Variants in FLT1 observed in about 807,000 individuals in gnomAD.
The protein encoded by FLT1 is vascular endothelial growth factor receptor 1.
In FLT1, 49 loss-of-function variants were observed where a neutral mutation model predicts 156.3. That is an observed-to-expected ratio of 0.31 (90% confidence interval 0.25 to 0.40). The LOEUF (loss-of-function observed/expected upper bound fraction) is 0.40, where lower values mean the gene tolerates loss of function less well. Among genes scored for constraint, FLT1 ranks in the 10% least tolerant of loss-of-function variants. The probability of loss-of-function intolerance (pLI) is 1.00; values close to 1 mark genes in which losing one functional copy is unlikely to be tolerated. For missense variants in FLT1, 1,322 were observed against 1,637.2 expected (o/e 0.81, Z 3.32); for synonymous variants, 594 against 583.8 (o/e 1.02, Z -0.25).
intron 24 of FLT1, among the ~76,000 whole-genome samples, chr13:28,319,205 T>G (rs1390131921): frequency 6.6e-6 from 1 of 152,200 alleles, no homozygotes; most frequent in Middle Eastern, 3.2e-3. Context: ...CATGACCTTG[T>G]TCTGACCTTG....
At chr13:28,389,187 C>T (rs541138768) in intron 13 of FLT1, 6 of 1,079,516 alleles carry the variant, frequency 5.6e-6, no homozygotes, top group African/African-American at 3.3e-5. Context: ...AGCATTATAA[C>T]TTGCTATCCA....
At chr13:28,473,011 C>T (rs1243373514) in intron 1 of FLT1, among the ~76,000 whole-genome samples, 4 of 152,130 alleles carry the variant, frequency 2.6e-5, no homozygotes, top group African/African-American at 7.2e-5. Flanking sequence ...TAAAGGACAT[C>T]ATTATTCATC....
In FLT1 at chr13:28,322,698, A is replaced by T; in HGVS notation, c.2953+92T>A. 1 of 1,135,484 alleles carries T rather than the reference A, an allele frequency of 8.8e-7. No individual in the cohort carries two copies. Among genetic ancestry groups the T allele is most frequent in the Non-Finnish European group, 1.3e-6 (1 of 751,030 alleles). The allele number at this position is 1,135,484 out of a possible 1,614,324, so 70.3% of individuals were successfully genotyped here. ...CCATTCGAGTCTCCCACGGATGTTTATTAGAGTGATAAATAAGAAAAAAAT... is the reference window on the plus strand; with the variant it reads ...CCATTCGAGTCTCCCACGGATGTTTTTTAGAGTGATAAATAAGAAAAAAAT... On this transcript the variant is annotated intron_variant, in intron 21 of 29. Transcript: ENST00000282397. The surrounding 1 kb of genome is among the most constrained non-coding windows in gnomAD (Gnocchi z 4.3).
intron 3 of FLT1, among the ~76,000 whole-genome samples, chr13:28,441,504 G>C (rs1337276546): frequency 6.6e-6 from 1 of 152,210 alleles, no homozygotes; most frequent in African/African-American, 2.4e-5. Context: ...CAAGGATCAA[G>C]TTGCTGTAGA....
chr13:28,317,692 A>G, intron 24 of FLT1, 95 bp from the exon 25 acceptor site: 1 of 797,068 alleles, frequency 1.3e-6, no homozygotes, highest in East Asian at 2.5e-5. Flanking sequence ...CCTCCCTTTA[A>G]AGCTACGTTT....
At chr13:28,494,153 C>G (rs1156677908) in intron 1 of FLT1, among the ~76,000 whole-genome samples, 1 of 152,172 alleles carries the variant, frequency 6.6e-6, no homozygotes, top group African/African-American at 2.4e-5. Flanking sequence ...CGGGACAGTC[C>G]GGCTTGGGGA....
intron 15 of FLT1, among the ~76,000 whole-genome samples, chr13:28,353,821 T>C (rs1872810714): frequency 6.6e-6 from 1 of 152,212 alleles, no homozygotes; most frequent in Non-Finnish European, 1.5e-5. Context: ...AAACAAGACC[T>C]GTGATTATTT....
chr13:28,464,607 C>T (rs187310011), intron 3 of FLT1, among the ~76,000 whole-genome samples: 60 of 152,366 alleles, frequency 3.9e-4, no homozygotes, highest in African/African-American at 1.2e-3. Context: ...AGACATGGAC[C>T]GTGCCATCAC....
At position 28,473,671 on chromosome 13, in the gene FLT1, A is replaced by G. The variant is rs71433271; in HGVS notation, c.65-6054T>C. Among the ~76,000 whole-genome samples, 605 of 118,280 alleles carry G rather than the reference A, an allele frequency of 5.1e-3. 12 individuals carry two copies. Among genetic ancestry groups the G allele is most frequent in the African/African-American group, 0.017 (477 of 27,484 alleles). 77.6% of individuals were successfully genotyped at this position (118,280 alleles called of 152,430 possible). A position where few individuals can be genotyped will look rare whatever the true frequency, so the allele number is the denominator to read the frequency against. ...AAAGAAAGAAAGAAAGAAAGAAAGA[A>G]AGAGAGAGAGAGAGAGAGAGAGAAA... On this transcript the variant is annotated intron_variant, in intron 1 of 29. Coordinates refer to ENST00000282397, the MANE Select transcript of FLT1 (RefSeq NM_002019.4).
intron 11 of FLT1, chr13:28,399,037 T>C: frequency 6.5e-7 from 1 of 1,543,678 alleles, no homozygotes; most frequent in African/African-American, 1.4e-5. Flanking sequence ...TACCCACCCG[T>C]TTAGAGTCAC....
intron 13 of FLT1, chr13:28,387,729 T>C: frequency 1.9e-6 from 2 of 1,044,108 alleles, no homozygotes; most frequent in Non-Finnish European, 2.3e-6. Flanking sequence ...CCCTCCGTTA[T>C]CTTCACCTCC....
intron 2 of FLT1, among the ~76,000 whole-genome samples, 160 bp downstream of exon 2, chr13:28,467,361 C>T (rs186935533): frequency 6.6e-6 from 1 of 152,158 alleles, no homozygotes; most frequent in Non-Finnish European, 1.5e-5. Flanking sequence ...AATGCTCTCC[C>T]TTCCCCATGA....
chr13:28,306,584 A>G (rs1870759106), intron 29 of FLT1, 94 bp downstream of exon 29: 2 of 881,458 alleles, frequency 2.3e-6, no homozygotes, highest in African/African-American at 3.3e-5. Context: ...GAGGGCAAGT[A>G]GTCCTCAAAC....
Position 28,308,829 on chromosome 13 carries a change from A to G in FLT1, c.3720+14T>C. The G allele has an allele frequency of 6.4e-7, 1 of 1,573,176 alleles. No homozygotes were observed. The highest frequency in any genetic ancestry group is 8.8e-7 in the Non-Finnish European group (1 of 1,142,514). ...CTATCGGGGTGCACTAGGTACCTTAACTTCACGACTTACATCAAACATGGA... is the reference window on the plus strand; with the variant it reads ...CTATCGGGGTGCACTAGGTACCTTAGCTTCACGACTTACATCAAACATGGA... On this transcript the variant is annotated intron_variant, in intron 28 of 29. Transcript: ENST00000282397.
chr13:28,329,565 T>C (rs1290097381), intron 19 of FLT1, 50 bp downstream of exon 19: 1 of 1,330,714 alleles, frequency 7.5e-7, no homozygotes, highest in Admixed American at 1.7e-5. Flanking sequence ...AGAACTGTTC[T>C]CCCAGCCTGT....
chr13:28,460,822 A>G (rs1289510407), intron 3 of FLT1, among the ~76,000 whole-genome samples: 2 of 151,642 alleles, frequency 1.3e-5, no homozygotes, highest in Non-Finnish European at 2.9e-5. Context: ...ACACACACAC[A>G]CACACACGCA....
In FLT1 at chr13:28,301,213, T is replaced by C. The variant is rs760294509; in HGVS notation, c.*1954A>G. 28 of 233,084 alleles carry C rather than the reference T, an allele frequency of 1.2e-4. No homozygotes were observed. The highest frequency in any genetic ancestry group is 1.2e-3 in the Middle Eastern group (1 of 806). The allele number at this position is 233,084 out of a possible 1,614,324, so 14.4% of individuals were successfully genotyped here. On this transcript the variant is annotated 3_prime_UTR_variant, in exon 30 of 30. Transcript: ENST00000282397. ...TAGAGAATTGACTGAGGTCTTCTTTTTTCTGTGTTTAACCTCCTTCCAGTT... is the reference window on the plus strand; with the variant it reads ...TAGAGAATTGACTGAGGTCTTCTTTCTTCTGTGTTTAACCTCCTTCCAGTT...
intron 3 of FLT1, among the ~76,000 whole-genome samples, chr13:28,440,807 A>G (rs1878294816): frequency 6.6e-6 from 1 of 152,194 alleles, no homozygotes; most frequent in African/African-American, 2.4e-5. Flanking sequence ...AGCACTTAGA[A>G]TGATGCCTGG....
rs756699326 is a variant in FLT1, at chr13:28,405,820, C to A, written c.1511G>T (p.Ser504Ile). Residue 504 changes from serine to isoleucine, a missense_variant, in exon 11 of 30, where the codon AGC (serine) becomes ATC (isoleucine). Ser to Ile is a moderately radical substitution (Grantham distance 142). This residue lies in a region of FLT1 where 991 missense variants were observed against 1,254.8 expected (regional missense o/e 0.79). Coordinates refer to ENST00000282397, the MANE Select transcript of FLT1 (RefSeq NM_002019.4). Reference protein sequence around the residue: ...ADSNMGNRIESITQRMAIIEG... With the variant: ...ADSNMGNRIEIITQRMAIIEG... ...TATTATTGCCATGCGCTGAGTGATGCTCTCAATTCTGTTTCCCATGTTGCT... is the reference window on the plus strand; with the variant it reads ...TATTATTGCCATGCGCTGAGTGATGATCTCAATTCTGTTTCCCATGTTGCT... The A allele has an allele frequency of 6.2e-7, 1 of 1,608,812 alleles. No individual in the cohort carries two copies. The highest frequency in any genetic ancestry group is 8.5e-7 in the Non-Finnish European group (1 of 1,175,912).
Sources: allele counts gnomAD v4.1 joint callset (sites outside exome capture counted in the v4.1 genomes callset), GRCh38; gene constraint gnomAD v4.1.1; regional missense constraint gnomAD v4.1.1; non-coding constraint Gnocchi (gnomAD v3.1); transcripts MANE v1.5; gene names NCBI Gene and HGNC (gene_info 2026-07-23, HGNC 2026-07-21).